RAD52: variants seen among roughly 807,000 people sequenced by gnomAD.
The protein encoded by RAD52 is DNA repair protein RAD52 homolog.
In RAD52, 47 loss-of-function variants were observed where a neutral mutation model predicts 55.5. That is an observed-to-expected ratio of 0.85 (90% CI 0.67 to 1.08). RAD52 has a LOEUF of 1.08. Ranked by LOEUF, RAD52 falls within the 50% of genes least tolerant of loss-of-function variation. The probability of loss-of-function intolerance (pLI) is 0.00; values close to 1 mark genes in which losing one functional copy is unlikely to be tolerated. For missense variants in RAD52, 468 were observed against 522.8 expected (o/e 0.90, Z 1.02); for synonymous variants, 184 against 198.9 (o/e 0.92, Z 0.63).
intron 1 of RAD52, among the ~76,000 whole-genome samples, chr12:984,809 C>T (rs996210493): frequency 5.3e-5 from 8 of 152,124 alleles, no homozygotes; most frequent in Non-Finnish European, 1.0e-4. Context: ...GGACTACAGG[C>T]GCCCGCCACC....
At chr12:946,037 A>C (rs934576729) in intron 1 of RAD52, among the ~76,000 whole-genome samples, 2 of 151,902 alleles carry the variant, frequency 1.3e-5, no homozygotes, top group South Asian at 2.1e-4. Flanking sequence ...AAAAACAAAA[A>C]AACACGGTGG....
rs12302127 is a variant in RAD52, at chr12:922,988, G to A, written c.543+2462C>T. ...TGGGATTACAGGCAGGCTGACCACC[G>A]GGATTACAGGCAGGCTGACCACCAT... On this transcript the variant is annotated intron_variant, in intron 7 of 11. Transcript: ENST00000358495. Among the ~76,000 whole-genome samples, 1,098 of 151,180 alleles carry A rather than the reference G, an allele frequency of 7.3e-3. 10 individuals carry two copies. The highest frequency in any genetic ancestry group is 0.025 in the African/African-American group (1,046 of 41,222).
chr12:942,695 G>A (rs1044923023), intron 1 of RAD52, among the ~76,000 whole-genome samples: 3 of 151,536 alleles, frequency 2.0e-5, no homozygotes, highest in South Asian at 4.2e-4. Flanking sequence ...TGCAGTGAGC[G>A]GAGATCGCCA....
At chr12:989,967 G>A (rs1959164762) in exon 1 of RAD52, 1 of 152,198 alleles carries the variant, frequency 6.6e-6, no homozygotes, top group African/African-American at 2.4e-5. Context: ...ACAGTTGGTA[G>A]TCATATGTGG....
chr12:916,606 C>G, intron 8 of RAD52, 33 bp downstream of exon 8: 1 of 1,601,208 alleles, frequency 6.2e-7, no homozygotes, highest in South Asian at 1.1e-5. Flanking sequence ...CAGGAGGGGC[C>G]GCAGAGGAAA....
At chr12:989,108 A>G (rs1259547752) in intron 1 of RAD52, among the ~76,000 whole-genome samples, 1 of 152,168 alleles carries the variant, frequency 6.6e-6, no homozygotes, top group Non-Finnish European at 1.5e-5. Context: ...ATAAATGCCT[A>G]GATATTGTAT....
chr12:985,705 G>A (rs1565717796), intron 1 of RAD52, among the ~76,000 whole-genome samples: 3 of 151,688 alleles, frequency 2.0e-5, no homozygotes, highest in Non-Finnish European at 2.9e-5. Context: ...ATTTTGAGAC[G>A]GAGTCTTGCT....
chr12:941,475 T>G (rs1462694676), intron 1 of RAD52, among the ~76,000 whole-genome samples: 1 of 150,594 alleles, frequency 6.6e-6, no homozygotes, highest in Admixed American at 6.6e-5. Flanking sequence ...TGCGCCACCA[T>G]GCCTGGCAAA....
At chr12:949,728 T>C (rs1364227869), upstream of RAD52, 1 of 138,270 alleles carries the variant, frequency 7.2e-6, no homozygotes, top group African/African-American at 2.8e-5. Context: ...GGGAAGAAGG[T>C]CCGAACCCAC....
chr12:928,106 G>A lies in RAD52; in HGVS notation c.349-843C>T, dbSNP rs1056287498. On this transcript the variant is annotated intron_variant, in intron 5 of 11. Coordinates refer to ENST00000358495, the MANE Select transcript of RAD52 (RefSeq NM_134424.4). Reference sequence around the variant, plus strand: ...TCAGAAAGCACTCAAATAAATGAGTGACACTATAACACAATTCTTTCCATT... The same window carrying A: ...TCAGAAAGCACTCAAATAAATGAGTAACACTATAACACAATTCTTTCCATT... 2.6e-5 allele frequency among the ~76,000 whole-genome samples: 4 copies of A among 152,312 alleles called. No individual in the cohort carries two copies. The East Asian group carries it at 7.7e-4, about 29-fold the overall frequency.
intron 1 of RAD52, among the ~76,000 whole-genome samples, chr12:968,908 TACAC>T: frequency 6.6e-6 from 1 of 151,616 alleles, no homozygotes; most frequent in East Asian, 1.9e-4. Context: ...TTGGTGAGTA[TACAC>T]ACACACACAC....
At chr12:914,953 T>C (rs1298945034) in intron 9 of RAD52, among the ~76,000 whole-genome samples, 1 of 152,058 alleles carries the variant, frequency 6.6e-6, no homozygotes, top group Non-Finnish European at 1.5e-5. Flanking sequence ...AAACCAGGAA[T>C]TCGAGACGCC....
upstream of RAD52, chr12:990,322 A>C (rs1959169492): frequency 6.6e-6 from 1 of 152,076 alleles, no homozygotes; most frequent in South Asian, 2.1e-4. Context: ...TACATCCTTA[A>C]ATTAATGGCT....
intron 5 of RAD52, among the ~76,000 whole-genome samples, chr12:928,432 G>A (rs1369924986): frequency 2.0e-5 from 3 of 151,844 alleles, no homozygotes; most frequent in Non-Finnish European, 2.9e-5. Context: ...CAGGAGAATC[G>A]CTTGAACCCA....
intron 1 of RAD52, among the ~76,000 whole-genome samples, chr12:983,109 C>T (rs1007678517): frequency 1.3e-5 from 2 of 152,038 alleles, no homozygotes; most frequent in African/African-American, 4.8e-5. Context: ...CTCAGCCTCC[C>T]GAAGTGCTGA....
intron 1 of RAD52, among the ~76,000 whole-genome samples, chr12:936,305 A>AAAAAC (rs1020723302): frequency 6.6e-6 from 1 of 152,074 alleles, no homozygotes; most frequent in South Asian, 2.1e-4. Flanking sequence ...CTCTTTCTCA[A>AAAAAC]AAAACAAAAC....
intron 6 of RAD52, 97 bp downstream of exon 6, chr12:927,048 A>G: frequency 6.6e-7 from 1 of 1,516,288 alleles, no homozygotes; most frequent in South Asian, 1.1e-5. Context: ...TGGATTTTTG[A>G]ACCATGTGGA....
In RAD52 at chr12:961,309, C is replaced by CAAAAAAAAAAAAAAAAAAAAAA. The variant is rs60547688; in HGVS notation, c.-18-28255_-18-28234dup. ...TGGGTGACAGAGTGAGACTCCATCT[C>CAAAAAAAAAAAAAAAAAAAAAA]AAAAAAAAAAAAAAAAAAAAAAAGG... On this transcript the variant is annotated intron_variant, in intron 1 of 11. Transcript: ENST00000430095. Among the ~76,000 whole-genome samples the CAAAAAAAAAAAAAAAAAAAAAA allele has an allele frequency of 3.3e-3, 110 of 33,800 alleles. 3 individuals are homozygous for CAAAAAAAAAAAAAAAAAAAAAA. Among genetic ancestry groups the CAAAAAAAAAAAAAAAAAAAAAA allele is most frequent in the Non-Finnish European group, 4.0e-3 (71 of 17,690 alleles). 22.2% of individuals were successfully genotyped at this position (33,800 alleles called of 152,430 possible).
At chr12:920,582 AT>A (rs1956672662) in intron 7 of RAD52, among the ~76,000 whole-genome samples, 2 of 152,114 alleles carry the variant, frequency 1.3e-5, no homozygotes, top group South Asian at 4.1e-4. Flanking sequence ...AAGAATGTCA[AT>A]TCACCAAGAA....
Sources: gnomAD v4.1 joint callset for allele counts (sites outside exome capture counted in the v4.1 genomes callset) on GRCh38, gnomAD v4.1.1 for gene constraint, MANE v1.5 for transcripts, NCBI Gene and HGNC (gene_info 2026-07-23, HGNC 2026-07-21) for gene names.